GLIS3: variants seen among roughly 807,000 people sequenced by gnomAD.
GLIS3 encodes the protein zinc finger protein GLIS3.
In GLIS3, 53 loss-of-function variants were observed where a neutral mutation model predicts 78.6. The ratio of observed to expected loss-of-function variants is 0.67; its 90% CI spans 0.54 to 0.85. The LOEUF (loss-of-function observed/expected upper bound fraction) is 0.85. Ranked by LOEUF, GLIS3 falls within the 40% of genes least tolerant of loss-of-function variation. The pLI, the probability that GLIS3 is intolerant of heterozygous loss-of-function variation, is 0.00. For synonymous variants in GLIS3, 684 were observed against 509.9 expected (o/e 1.34, Z -4.60); for missense variants, 1,703 against 1,231.1 (o/e 1.38, Z -5.74).
the GLIS3 span, among the ~76,000 whole-genome samples, chr9:4,473,305 G>C: frequency 6.6e-6 from 1 of 152,032 alleles, no homozygotes; most frequent in African/African-American, 2.4e-5. Flanking sequence ...AAGTAGCTGA[G>C]CATGATGGTG....
chr9:4,289,562 G>A (rs1828275301), intron 1 of GLIS3, among the ~76,000 whole-genome samples: 2 of 151,992 alleles, frequency 1.3e-5, no homozygotes, highest in Admixed American at 6.6e-5. Flanking sequence ...GGATTCCATC[G>A]GAAGAGCACC....
At chr9:4,231,409 T>C (rs905126846) in intron 2 of GLIS3, among the ~76,000 whole-genome samples, 2 of 152,132 alleles carry the variant, frequency 1.3e-5, no homozygotes, top group African/African-American at 4.8e-5. Flanking sequence ...GTAAGATAGA[T>C]TGGCCAGCTC....
chr9:4,075,399 C>G (rs940869513), intron 4 of GLIS3, among the ~76,000 whole-genome samples: 1 of 82,616 alleles, frequency 1.2e-5, no homozygotes, highest in African/African-American at 4.8e-5. Flanking sequence ...AAACCCGTCT[C>G]TACTAAAAAT....
intron 2 of GLIS3, among the ~76,000 whole-genome samples, chr9:4,197,037 G>C (rs896545546): frequency 6.6e-6 from 1 of 152,128 alleles, no homozygotes; most frequent in Non-Finnish European, 1.5e-5. Context: ...GGTGCAGTGG[G>C]GCTCTGCTCC....
At chr9:4,446,282 G>A in the GLIS3 span, among the ~76,000 whole-genome samples, 50 of 152,224 alleles carry the variant, frequency 3.3e-4, 1 homozygote, top group Middle Eastern at 0.02. Context: ...GTTGAAGGGG[G>A]TACCCTTGAC....
chr9:4,181,424 C>G (rs567988850), intron 2 of GLIS3, among the ~76,000 whole-genome samples: 1 of 152,372 alleles, frequency 6.6e-6, no homozygotes, highest in Non-Finnish European at 1.5e-5. Flanking sequence ...AATGACTGTG[C>G]TCCATGGCAT....
intron 4 of GLIS3, among the ~76,000 whole-genome samples, chr9:4,116,991 T>C (rs1437826529): frequency 2.0e-5 from 3 of 152,208 alleles, no homozygotes; most frequent in South Asian, 2.1e-4. Context: ...TTAAGAATCG[T>C]ATTATTCAAA....
At chr9:4,164,947 T>A (rs142825970) in intron 2 of GLIS3, among the ~76,000 whole-genome samples, 2 of 152,020 alleles carry the variant, frequency 1.3e-5, no homozygotes, top group South Asian at 4.2e-4. Context: ...TGAAGAGAGA[T>A]TGATTCTGAA....
At chr9:4,439,047 A>T in the GLIS3 span, among the ~76,000 whole-genome samples, 1 of 152,152 alleles carries the variant, frequency 6.6e-6, no homozygotes, top group East Asian at 1.9e-4. Flanking sequence ...ATAATGGCCA[A>T]TGTTGGTTCC....
chr9:4,276,476 G>GGGAAGGGGAGGGGAGGGAAGGGGTC (rs1215940901), intron 2 of GLIS3, among the ~76,000 whole-genome samples: 1 of 15,742 alleles, frequency 6.4e-5, no homozygotes, highest in Non-Finnish European at 1.3e-4. Context: ...GGGGACGGGA[G>GGGAAGGGGAGGGGAGGGAAGGGGTC]GGGAGGGAAG....
At chr9:4,026,631 G>A (rs774685187) in intron 4 of GLIS3, among the ~76,000 whole-genome samples, 1 of 152,076 alleles carries the variant, frequency 6.6e-6, no homozygotes, top group Non-Finnish European at 1.5e-5. Context: ...ATAAAACACA[G>A]ATCATTTTGT....
At chr9:3,917,868 C>T (rs901033113) in intron 6 of GLIS3, among the ~76,000 whole-genome samples, 27 of 152,094 alleles carry the variant, frequency 1.8e-4, no homozygotes, top group Non-Finnish European at 4.0e-4. Flanking sequence ...GTTGCACTGC[C>T]TTTGCTATAC....
chr9:3,901,565 A>C (rs546702339), intron 6 of GLIS3, among the ~76,000 whole-genome samples: 1 of 152,228 alleles, frequency 6.6e-6, no homozygotes. Flanking sequence ...ACACACACAT[A>C]CAACAGTAAG....
intron 4 of GLIS3, among the ~76,000 whole-genome samples, chr9:4,113,156 T>C (rs1392796188): frequency 1.3e-5 from 2 of 152,156 alleles, no homozygotes; most frequent in Non-Finnish European, 2.9e-5. Flanking sequence ...GTATCCATGT[T>C]AATAGATATA....
the GLIS3 span, among the ~76,000 whole-genome samples, chr9:4,471,555 A>G: frequency 3.2e-4 from 49 of 152,252 alleles, no homozygotes; most frequent in Non-Finnish European, 4.7e-4. Context: ...CTAGCCGTAT[A>G]TAGAAAGCTG....
At chr9:3,892,286 A>G (rs562121208) in intron 7 of GLIS3, among the ~76,000 whole-genome samples, 2 of 152,304 alleles carry the variant, frequency 1.3e-5, no homozygotes, top group South Asian at 4.1e-4. Flanking sequence ...TAGAAAAACT[A>G]AGACTCCAAT....
chr9:4,082,870 C>T (rs1387585100), intron 4 of GLIS3, among the ~76,000 whole-genome samples: 4 of 152,134 alleles, frequency 2.6e-5, no homozygotes, highest in Non-Finnish European at 5.9e-5. Flanking sequence ...TACCATTTCC[C>T]ATACATATTT....
At chr9:4,321,437 A>AAAAAAAC in intron 2 of GLIS3, among the ~76,000 whole-genome samples, 1 of 99,984 alleles carries the variant, frequency 1.0e-5, no homozygotes, top group Non-Finnish European at 1.7e-5. Flanking sequence ...AAAAAAAAAA[A>AAAAAAAC]AAAAAAAAAA....
chr9:4,248,413 T>G (rs562376902), intron 2 of GLIS3, among the ~76,000 whole-genome samples: 2 of 152,330 alleles, frequency 1.3e-5, no homozygotes, highest in African/African-American at 4.8e-5. Flanking sequence ...GTAAAGGACA[T>G]GAACTCAATT....
Sources: gnomAD v4.1 joint callset for allele counts (sites outside exome capture counted in the v4.1 genomes callset) on GRCh38, gnomAD v4.1.1 for gene constraint, MANE v1.5 for transcripts, NCBI Gene and HGNC (gene_info 2026-07-23, HGNC 2026-07-21) for gene names.